The following TRIM37 variants were observed in gnomAD, a reference collection of about 807,000 sequenced individuals.
TRIM37 encodes tripartite motif containing 37, also known as E3 ubiquitin-protein ligase TRIM37.
TRIM37 carries 80 observed loss-of-function variants against 129.8 expected under a neutral mutation model. The observed-to-expected ratio is 0.62, with a 90% CI of 0.51 to 0.74. The LOEUF (loss-of-function observed/expected upper bound fraction) is 0.74. Ranked by LOEUF, TRIM37 falls within the 30% of genes least tolerant of loss-of-function variation. TRIM37 has a pLI of 0.00. For synonymous variants in TRIM37, 389 were observed against 387.1 expected (o/e 1.00, Z -0.06); for missense variants, 1,054 against 1,176.5 (o/e 0.90, Z 1.52).
downstream of TRIM37, chr17:58,980,919 C>A: frequency 2.5e-6 from 4 of 1,614,140 alleles, no homozygotes; most frequent in East Asian, 2.2e-5. The surrounding 1 kb of genome is among the most constrained non-coding windows in gnomAD (Gnocchi z 4.7). Flanking sequence ...ATAAGAAGTT[C>A]TCTGCCATGG....
chr17:59,071,009 C>G, intron 8 of TRIM37, 62 bp from the exon 9 acceptor site: 1 of 1,585,072 alleles, frequency 6.3e-7, no homozygotes, highest in Admixed American at 1.7e-5. Context: ...CCTCAAAATT[C>G]TTAAGAAATT....
chr17:59,017,265 T>TAA, intron 20 of TRIM37, 31 bp downstream of exon 20: 1 of 1,612,874 alleles, frequency 6.2e-7, no homozygotes, highest in Non-Finnish European at 8.5e-7. Flanking sequence ...TTTACCCCAC[T>TAA]AAAAGTACAT....
At chr17:59,007,264 G>C (rs1418558996) in intron 22 of TRIM37, among the ~76,000 whole-genome samples, 3 of 125,438 alleles carry the variant, frequency 2.4e-5, no homozygotes, top group African/African-American at 9.0e-5. Context: ...ATGACACTGA[G>C]CAGCTGAATT....
intron 22 of TRIM37, 95 bp from the exon 23 acceptor site, chr17:59,001,809 T>C: frequency 6.6e-7 from 1 of 1,520,226 alleles, no homozygotes; most frequent in African/African-American, 1.4e-5. Context: ...AGATTCCTAT[T>C]GAATTTTACA....
intron 14 of TRIM37, among the ~76,000 whole-genome samples, chr17:59,049,852 A>G (rs945118433): frequency 6.6e-6 from 1 of 152,144 alleles, no homozygotes; most frequent in African/African-American, 2.4e-5. Context: ...ATAAAAAAAA[A>G]TTGATGACAA....
chr17:59,047,550 G>A, intron 16 of TRIM37, 133 bp downstream of exon 16: 1 of 897,538 alleles, frequency 1.1e-6, no homozygotes, highest in Non-Finnish European at 1.7e-6. Flanking sequence ...CCAGAGATTA[G>A]AGAGAGAAAA....
At chr17:59,093,906 A>T (rs1304176020) in intron 2 of TRIM37, among the ~76,000 whole-genome samples, 1 of 151,764 alleles carries the variant, frequency 6.6e-6, no homozygotes, top group African/African-American at 2.4e-5. Context: ...TTATTTATTT[A>T]TTTTTTGAGA....
chr17:59,084,258 G>A (rs1396415920), intron 4 of TRIM37, among the ~76,000 whole-genome samples, 169 bp from the exon 5 acceptor site: 3 of 152,078 alleles, frequency 2.0e-5, no homozygotes, highest in South Asian at 2.1e-4. Flanking sequence ...AAGTTTATGC[G>A]GACAATTTTT....
chr17:58,983,063 G>A, intron 24 of TRIM37: 1 of 742,786 alleles, frequency 1.3e-6, no homozygotes, highest in Non-Finnish European at 2.1e-6. Flanking sequence ...AGAGGGTAAA[G>A]GGAAAAAGTT....
At chr17:58,983,739 T>A (rs1177021903) in intron 24 of TRIM37, 1 of 152,656 alleles carries the variant, frequency 6.6e-6, no homozygotes, top group East Asian at 1.9e-4. Flanking sequence ...CTACACTCAA[T>A]CCTTAAAGAG....
intron 21 of TRIM37, among the ~76,000 whole-genome samples, chr17:59,013,985 T>C (rs2035603043): frequency 6.6e-6 from 1 of 150,424 alleles, no homozygotes; most frequent in Non-Finnish European, 1.5e-5. Flanking sequence ...TTTTACACTC[T>C]AGAAAAAAAA....
chr17:59,015,544 T>G (rs2035815529), intron 21 of TRIM37, 66 bp downstream of exon 21: 22 of 1,462,370 alleles, frequency 1.5e-5, no homozygotes, highest in Non-Finnish European at 2.1e-5. Flanking sequence ...TCATGATGCA[T>G]ACTTAAAGTT....
At position 59,028,431 on chromosome 17, in the gene TRIM37, A is replaced by C. The variant is rs1169513211; in HGVS notation, c.2241T>G (p.Asn747Lys). 6 of 1,612,974 alleles carry C rather than the reference A, an allele frequency of 3.7e-6. No homozygotes were observed. Among genetic ancestry groups the C allele is most frequent in the East Asian group, 4.5e-5 (2 of 44,896 alleles). Reference sequence around the variant, plus strand: ...ATTACTTACAGTTTCGTATGTAACAATTGGCAACTGATGACTTTGCCAGGA... The same window carrying C: ...ATTACTTACAGTTTCGTATGTAACACTTGGCAACTGATGACTTTGCCAGGA... ...MELLAKSSVANCYIRNSTNKK... is the reference protein window; with the variant it reads ...MELLAKSSVAKCYIRNSTNKK... Residue 747 changes from asparagine (N) to lysine (K), a missense_variant, in exon 19 of 24, where the codon AAT (asparagine) becomes AAG (lysine). By Grantham distance (94) the Asn-to-Lys change is moderately conservative. This residue lies in a region of TRIM37 where 287 missense variants were observed against 274.3 expected (regional missense o/e 1.05). Coordinates refer to ENST00000262294, the MANE Select transcript of TRIM37 (RefSeq NM_015294.6).
chr17:58,969,246 TG>T, the TRIM37 span, among the ~76,000 whole-genome samples: 1 of 152,098 alleles, frequency 6.6e-6, no homozygotes, highest in Non-Finnish European at 1.5e-5. Context: ...CAAATGTACG[TG>T]GGTGGTTTCC....
At chr17:59,070,170 C>T (rs1599336966) in intron 9 of TRIM37, among the ~76,000 whole-genome samples, 1 of 152,152 alleles carries the variant, frequency 6.6e-6, no homozygotes, top group Non-Finnish European at 1.5e-5. Flanking sequence ...TCTAACACCA[C>T]AGAATGATTA....
intron 15 of TRIM37, among the ~76,000 whole-genome samples, chr17:59,048,967 A>G (rs1299627179): frequency 6.6e-6 from 1 of 152,220 alleles, no homozygotes. Flanking sequence ...TTTGTTTTAT[A>G]CAATGTATTG....
At chr17:59,038,607 C>A (rs1408250614) in intron 17 of TRIM37, among the ~76,000 whole-genome samples, 3 of 151,924 alleles carry the variant, frequency 2.0e-5, no homozygotes. Flanking sequence ...ATATATAATT[C>A]AAAAATGTAA....
intron 22 of TRIM37, among the ~76,000 whole-genome samples, chr17:59,005,260 A>G (rs2034328031): frequency 6.6e-6 from 1 of 151,928 alleles, no homozygotes; most frequent in South Asian, 2.1e-4. Context: ...TATTAAATAC[A>G]TTTTTCAAAC....
chr17:59,030,776 A>AAT (rs1385544213), intron 18 of TRIM37, among the ~76,000 whole-genome samples: 2 of 152,138 alleles, frequency 1.3e-5, no homozygotes, highest in Middle Eastern at 3.2e-3. Context: ...TTCTCTTTGG[A>AAT]ATATACTCCT....
Sources: gnomAD v4.1 joint callset for allele counts (sites outside exome capture counted in the v4.1 genomes callset) on GRCh38, gnomAD v4.1.1 for gene constraint, gnomAD v4.1.1 regional missense constraint, Gnocchi (gnomAD v3.1) non-coding constraint, MANE v1.5 for transcripts, NCBI Gene and HGNC (gene_info 2026-07-23, HGNC 2026-07-21) for gene names.